MYO9A: variants seen among roughly 807,000 people sequenced by gnomAD.
The protein encoded by MYO9A is myosin IXA.
In MYO9A, 103 loss-of-function variants were observed where a neutral mutation model predicts 293.3. That is an observed-to-expected ratio of 0.35 (90% CI 0.30 to 0.41). The LOEUF is 0.41. Among genes scored for constraint, MYO9A ranks in the 10% least tolerant of loss-of-function variants. The probability of loss-of-function intolerance (pLI) is 1.00; values close to 1 mark genes in which losing one functional copy is unlikely to be tolerated. For synonymous variants in MYO9A, 1,001 were observed against 1,035.7 expected (o/e 0.97, Z 0.64); for missense variants, 2,685 against 3,033.0 (o/e 0.89, Z 2.69).
chr15:71,992,018 G>T (rs899453448), intron 10 of MYO9A, among the ~76,000 whole-genome samples: 3 of 152,128 alleles, frequency 2.0e-5, no homozygotes, highest in Non-Finnish European at 4.4e-5. Context: ...GCCTCCCAAA[G>T]TGCTGGGATT....
At chr15:72,000,491 C>T (rs2076831624) in intron 8 of MYO9A, among the ~76,000 whole-genome samples, 1 of 152,174 alleles carries the variant, frequency 6.6e-6, no homozygotes, top group African/African-American at 2.4e-5. Context: ...ATGAATTTCA[C>T]ATTATCATTT....
rs932800728 is a variant in MYO9A at position 71,978,308 on chromosome 15, A to T, written c.1723-16T>A. On this transcript the variant is annotated splice_polypyrimidine_tract_variant and intron_variant, in intron 11 of 41. Transcript: ENST00000356056. ...TATATTCCTCCTAGAAAAACCAAAAAATAAAATAACAATTTATTCATCTTG... is the reference window on the plus strand; with the variant it reads ...TATATTCCTCCTAGAAAAACCAAAATATAAAATAACAATTTATTCATCTTG... 19 of 1,588,894 alleles carry T rather than the reference A, an allele frequency of 1.2e-5. No individual in the cohort carries two copies. Among genetic ancestry groups the T allele is most frequent in the Non-Finnish European group, 1.6e-5 (19 of 1,168,616 alleles).
chr15:71,957,224 T>G (rs2059223766), intron 14 of MYO9A, among the ~76,000 whole-genome samples: 1 of 152,200 alleles, frequency 6.6e-6, no homozygotes, highest in African/African-American at 2.4e-5. Context: ...ATATCCTCAC[T>G]AAAATATGTA....
intron 7 of MYO9A, among the ~76,000 whole-genome samples, chr15:72,008,330 G>A (rs2077072134): frequency 6.6e-6 from 1 of 152,006 alleles, no homozygotes; most frequent in South Asian, 2.1e-4. Context: ...CAAAGGAAAG[G>A]CCTTGAATCT....
intron 39 of MYO9A, among the ~76,000 whole-genome samples, chr15:71,832,901 G>A (rs2054786024): frequency 6.6e-6 from 1 of 151,858 alleles, no homozygotes; most frequent in African/African-American, 2.4e-5. Flanking sequence ...GTATTATCTG[G>A]GAAAAAGATA....
intron 1 of MYO9A, among the ~76,000 whole-genome samples, chr15:72,077,399 T>C (rs2079387089): frequency 1.3e-5 from 2 of 152,232 alleles, no homozygotes; most frequent in South Asian, 2.1e-4. Context: ...ATTCAAAATA[T>C]ACCTTAAAGA....
chr15:71,845,161 AT>A (rs1327293271), intron 39 of MYO9A, among the ~76,000 whole-genome samples: 2 of 152,126 alleles, frequency 1.3e-5, no homozygotes, highest in African/African-American at 4.8e-5. Flanking sequence ...ATAAGGAGAG[AT>A]CCTTTATCCA....
chr15:72,076,204 T>C (rs1039587140), intron 1 of MYO9A, among the ~76,000 whole-genome samples: 21 of 151,618 alleles, frequency 1.4e-4, no homozygotes, highest in South Asian at 2.1e-4. Flanking sequence ...ACTAGGGAGG[T>C]TGAGGCAGGA....
In MYO9A at chr15:71,919,841, C is replaced by CAAAA. The variant is rs373980359; in HGVS notation, c.2563-3353_2563-3350dup. ...AGGGCGACAGAATAAGACTCCATCT[C>CAAAA]AAAAAAAAAAAAAAAAAAAAAGCTA... On this transcript the variant is annotated intron_variant, in intron 18 of 41. Coordinates refer to ENST00000356056, the MANE Select transcript of MYO9A (RefSeq NM_006901.4). Among the ~76,000 whole-genome samples, 416 of 82,394 alleles carry CAAAA rather than the reference C, an allele frequency of 5.0e-3. 11 individuals are homozygous for CAAAA. Among genetic ancestry groups the CAAAA allele is most frequent in the African/African-American group, 0.019 (391 of 20,056 alleles). 54.1% of individuals were successfully genotyped at this position (82,394 alleles called of 152,430 possible). A position where few individuals can be genotyped will look rare whatever the true frequency, so the allele number is the denominator to read the frequency against.
intron 25 of MYO9A, among the ~76,000 whole-genome samples, chr15:71,895,030 GAGCCA>G (rs1334957979): frequency 6.6e-6 from 1 of 152,118 alleles, no homozygotes; most frequent in Non-Finnish European, 1.5e-5. Context: ...GTAAGTCTAG[GAGCCA>G]TAAGAAATTA....
intron 1 of MYO9A, among the ~76,000 whole-genome samples, chr15:72,049,389 T>C (rs1297496943): frequency 1.3e-5 from 2 of 152,230 alleles, no homozygotes; most frequent in Admixed American, 1.3e-4. Context: ...TATAGCTATG[T>C]TTGCTTTCCT....
At chr15:71,882,215 T>C (rs189772907) in intron 28 of MYO9A, among the ~76,000 whole-genome samples, 3 of 152,304 alleles carry the variant, frequency 2.0e-5, no homozygotes, top group African/African-American at 7.2e-5. Context: ...CTTTCTATTT[T>C]AGTCAATGCT....
chr15:72,011,419 A>G (rs1377007413), intron 6 of MYO9A, among the ~76,000 whole-genome samples: 1 of 152,034 alleles, frequency 6.6e-6, no homozygotes, highest in Non-Finnish European at 1.5e-5. Flanking sequence ...CAAGGAAAGA[A>G]AGAAGTATAT....
intron 19 of MYO9A, among the ~76,000 whole-genome samples, chr15:71,906,604 A>G (rs142161515): frequency 2.3e-3 from 342 of 151,922 alleles, no homozygotes; most frequent in Non-Finnish European, 3.8e-3. Flanking sequence ...GTCTGACTCT[A>G]CTATAGTCAC....
intron 1 of MYO9A, among the ~76,000 whole-genome samples, chr15:72,102,705 C>T (rs952545285): frequency 1.3e-5 from 2 of 151,734 alleles, no homozygotes; most frequent in Admixed American, 6.6e-5. Flanking sequence ...TTCCTTGATT[C>T]GATAAAAGGT....
At chr15:72,016,304 C>T (rs1479888144) in intron 6 of MYO9A, among the ~76,000 whole-genome samples, 1 of 151,912 alleles carries the variant, frequency 6.6e-6, no homozygotes, top group Non-Finnish European at 1.5e-5. Context: ...TTATAAATAA[C>T]AGGGCTGGCC....
chr15:71,939,895 C>T (rs2058732364), intron 15 of MYO9A, among the ~76,000 whole-genome samples: 2 of 152,006 alleles, frequency 1.3e-5, no homozygotes, highest in South Asian at 2.1e-4. Context: ...AAAACTGATT[C>T]GACTAATAAA....
intron 1 of MYO9A, among the ~76,000 whole-genome samples, chr15:72,062,496 G>T (rs2078905733): frequency 6.6e-6 from 1 of 152,098 alleles, no homozygotes; most frequent in Non-Finnish European, 1.5e-5. Flanking sequence ...ACTTAACAAA[G>T]ACTAAAATAA....
At chr15:71,904,710 T>C (rs1034036774) in intron 20 of MYO9A, among the ~76,000 whole-genome samples, 5 of 152,140 alleles carry the variant, frequency 3.3e-5, no homozygotes, top group Admixed American at 2.0e-4. Flanking sequence ...CAAGAGGTAT[T>C]TGCTTCTCAA....
Sources: gnomAD v4.1 joint callset for allele counts (sites outside exome capture counted in the v4.1 genomes callset) on GRCh38, gnomAD v4.1.1 for gene constraint, MANE v1.5 for transcripts, NCBI Gene and HGNC (gene_info 2026-07-23, HGNC 2026-07-21) for gene names.